MYBBP1A: variants seen among roughly 807,000 people sequenced by gnomAD.
MYBBP1A encodes myb-binding protein 1A.
MYBBP1A carries 147 observed loss-of-function variants against 136.3 expected under a neutral mutation model. That is an observed-to-expected ratio of 1.08 (90% confidence interval 0.94 to 1.24). The LOEUF (loss-of-function observed/expected upper bound fraction) is 1.24. MYBBP1A is among the 50% of genes most tolerant of loss of function. The pLI, the probability that MYBBP1A is intolerant of heterozygous loss-of-function variation, is 0.00. For synonymous variants in MYBBP1A, 947 were observed against 735.8 expected (o/e 1.29, Z -4.65); for missense variants, 2,060 against 1,727.4 (o/e 1.19, Z -3.41).
At chr17:4,540,062 T>A in intron 25 of MYBBP1A, 95 bp from the exon 26 acceptor site, 2 of 1,413,146 alleles carry the variant, frequency 1.4e-6, no homozygotes, top group Non-Finnish European at 1.9e-6. Flanking sequence ...GAGGGTCCTC[T>A]GAGGCCCCTA....
In MYBBP1A at chr17:4,540,486, T is replaced by C; in HGVS notation, c.3298-2A>G. 1 of 1,606,374 alleles carries C rather than the reference T, an allele frequency of 6.2e-7. No individual in the cohort carries two copies. Among genetic ancestry groups the C allele is most frequent in the Non-Finnish European group, 8.5e-7 (1 of 1,177,840 alleles). On this transcript the variant is annotated splice_acceptor_variant, in intron 24 of 25. Coordinates refer to ENST00000254718, the MANE Select transcript of MYBBP1A (RefSeq NM_014520.4). LOFTEE classifies it high-confidence loss of function. ...CACCGTCAGGTCCAAGGTCAGCTTCTGCAGAGGGTGGGAAGGCAGAGCTGT... is the reference window on the plus strand; with the variant it reads ...CACCGTCAGGTCCAAGGTCAGCTTCCGCAGAGGGTGGGAAGGCAGAGCTGT...
At chr17:4,550,860 C>G (rs1042946897) in intron 8 of MYBBP1A, among the ~76,000 whole-genome samples, 3 of 152,278 alleles carry the variant, frequency 2.0e-5, no homozygotes, top group African/African-American at 7.2e-5. Context: ...GGCAGCTTAG[C>G]ATTTTTAGCA....
chr17:4,554,325 C>A, intron 2 of MYBBP1A, 47 bp from the exon 3 acceptor site: 1 of 1,535,576 alleles, frequency 6.5e-7, no homozygotes. Flanking sequence ...GGAGAGTGGC[C>A]CAACTACGTC....
chr17:4,543,244 C>T (rs1906638835), intron 19 of MYBBP1A, 79 bp from the exon 20 acceptor site: 1 of 1,485,634 alleles, frequency 6.7e-7, no homozygotes, highest in African/African-American at 1.4e-5. Flanking sequence ...ACCCAAGTCC[C>T]ACTTTATAAG....
intron 8 of MYBBP1A, among the ~76,000 whole-genome samples, chr17:4,551,174 A>G (rs564114872): frequency 6.6e-6 from 1 of 152,138 alleles, no homozygotes; most frequent in Admixed American, 6.5e-5. Context: ...TGATACTTCA[A>G]GTCTCCCCCT....
chr17:4,540,630 G>C (rs1387661894), intron 24 of MYBBP1A, 146 bp from the exon 25 acceptor site: 6 of 1,015,414 alleles, frequency 5.9e-6, no homozygotes, highest in Non-Finnish European at 8.1e-6. Flanking sequence ...TGCCTGTTAA[G>C]TCATCCGTGT....
At chr17:4,540,581 A>C (rs2144417289) in intron 24 of MYBBP1A, 97 bp from the exon 25 acceptor site, 1 of 1,393,502 alleles carries the variant, frequency 7.2e-7, no homozygotes. Flanking sequence ...CTGCCTCACC[A>C]GTGACCCCTG....
chr17:4,554,162 T>G, intron 3 of MYBBP1A, 33 bp downstream of exon 3: 1 of 1,613,302 alleles, frequency 6.2e-7, no homozygotes, highest in South Asian at 1.1e-5. Context: ...CTCCCACCCC[T>G]GGGGCTGCTG....
rs765604474 is a variant in MYBBP1A, at chr17:4,554,224, C to T, written c.349G>A (p.Glu117Lys). ...TTCACCTGATGCAGGTCATATTTTT[C>T]TTGTATCTGCTGCAGGATGCTGCAC... ...PLCSILQQIQEKYDLHQVKKA... is the reference protein window; with the variant it reads ...PLCSILQQIQKKYDLHQVKKA... The change falls in exon 3 of 26, where the codon GAA becomes AAA. Residue 117 changes from glutamate (E) to lysine (K), a missense_variant. Physicochemically the swap from Glu to Lys is moderately conservative, Grantham distance 56. Coordinates refer to ENST00000254718, the MANE Select transcript of MYBBP1A (RefSeq NM_014520.4). 6.2e-7 allele frequency: 1 copy of T among 1,614,032 alleles called. No homozygotes were observed. The highest frequency in any genetic ancestry group is 1.3e-5 in the African/African-American group (1 of 75,012).
chr17:4,540,344 C>T lies in MYBBP1A; in HGVS notation c.3434+4G>A, dbSNP rs764584859. ...AAGGTGTGTGTCCCCCTCCCAGAAC[C>T]TACTGGACTCCCAGGGTTTTCATGG... is the stretch of plus-strand genomic sequence containing the variant. On this transcript the variant is annotated splice_donor_region_variant and intron_variant, in intron 25 of 25. Transcript: ENST00000254718. The T allele has an allele frequency of 2.2e-5, 36 of 1,603,684 alleles. No homozygotes were observed. Among genetic ancestry groups the T allele is most frequent in the Middle Eastern group, 3.3e-4 (2 of 6,070 alleles).
chr17:4,545,551 T>C (rs1906926470), intron 15 of MYBBP1A, 59 bp downstream of exon 15: 3 of 1,532,826 alleles, frequency 2.0e-6, no homozygotes, highest in Admixed American at 2.0e-5. Context: ...GCACCCCTGG[T>C]GCAGCTCGCT....
At chr17:4,541,651 G>A in intron 23 of MYBBP1A, 87 bp from the exon 24 acceptor site, 3 of 1,489,230 alleles carry the variant, frequency 2.0e-6, no homozygotes, top group South Asian at 1.1e-5. Flanking sequence ...CCAGAGGCAG[G>A]GACCGTCTCC....
intron 8 of MYBBP1A, among the ~76,000 whole-genome samples, chr17:4,550,825 G>A (rs1907444554): frequency 6.6e-6 from 1 of 152,264 alleles, no homozygotes; most frequent in African/African-American, 2.4e-5. Context: ...CTCAGTGCCA[G>A]CACCCGCGCT....
At chr17:4,550,860 C>A (rs1042946897) in intron 8 of MYBBP1A, among the ~76,000 whole-genome samples, 1 of 152,278 alleles carries the variant, frequency 6.6e-6, no homozygotes, top group Admixed American at 6.5e-5. Context: ...GGCAGCTTAG[C>A]ATTTTTAGCA....
rs562745701 is a variant in MYBBP1A at position 4,545,847 on chromosome 17, G to A, written c.1920C>T (p.Ile640=). The A allele has an allele frequency of 2.5e-4, 407 of 1,613,000 alleles. 5 individuals carry two copies. The South Asian group carries it at 4.0e-3, about 16-fold the overall frequency. Residue 640 remains isoleucine (I), a splice_region_variant and synonymous_variant, in exon 14 of 26, where the codon ATC becomes ATT. Coordinates refer to ENST00000254718, the MANE Select transcript of MYBBP1A (RefSeq NM_014520.4). ...TCCCTCTCGTGACCAAGGACCCACC[G>A]ATGGTCTTGGTGCGGCTCCGGCGGG... ...EKPRRSRTKT[I]DPQEPPWVEV...
At chr17:4,543,363 C>CTT in intron 19 of MYBBP1A, 198 bp from the exon 20 acceptor site, 1 of 687,246 alleles carries the variant, frequency 1.5e-6, no homozygotes, top group Non-Finnish European at 2.4e-6. Context: ...GCTGGGGTGA[C>CTT]AGGGGCGCTC....
intron 13 of MYBBP1A, among the ~76,000 whole-genome samples, chr17:4,546,415 G>A (rs11649893): frequency 0.18 from 26,875 of 151,922 alleles, 3,016 homozygotes; most frequent in East Asian, 0.53. Flanking sequence ...GTGAGCCCCC[G>A]CGCCCAGCTA....
Position 4,548,115 on chromosome 17 carries a change from C to G in MYBBP1A, c.1724+28G>C, listed in dbSNP as rs765393097. ...CACCAGTCAGACTGCAGCGTCCTGC[C>G]CACCCCCTGGAAATCCCACGTGCTC... is the stretch of plus-strand genomic sequence containing the variant. On this transcript the variant is annotated intron_variant, in intron 12 of 25. Transcript: ENST00000254718. The surrounding 1 kb of genome is among the most constrained non-coding windows in gnomAD (Gnocchi z 4.2). 2.2e-5 allele frequency: 36 copies of G among 1,603,992 alleles called. 1 individual carries two copies. The South Asian group carries it at 3.8e-4, about 17-fold the overall frequency.
rs552635057 is a variant in MYBBP1A, at chr17:4,545,336, G to C, written c.2083C>G (p.Pro695Ala). 6 of 1,613,086 alleles carry C rather than the reference G, an allele frequency of 3.7e-6. No homozygotes were observed. The South Asian group carries it at 6.6e-5, about 18-fold the overall frequency. Reference sequence around the variant, plus strand: ...TCATTCTCATCCTCACTGGTCTCGGGGTTCAGCACCTGGGGAGGGGTGCCA... The same window carrying C: ...TCATTCTCATCCTCACTGGTCTCGGCGTTCAGCACCTGGGGAGGGGTGCCA... Reference protein sequence around the residue: ...ALQLILDVLNPETSEDENDRV... With the variant: ...ALQLILDVLNAETSEDENDRV... The change falls in exon 16 of 26, where the codon CCC becomes GCC. Residue 695 changes from proline to alanine, a missense_variant. Physicochemically the swap from Pro to Ala is conservative, Grantham distance 27. Transcript: ENST00000254718.
Sources: allele counts gnomAD v4.1 joint callset (sites outside exome capture counted in the v4.1 genomes callset), GRCh38; gene constraint gnomAD v4.1.1; non-coding constraint Gnocchi (gnomAD v3.1); transcripts MANE v1.5; gene names NCBI Gene and HGNC (gene_info 2026-07-23, HGNC 2026-07-21).